The following APH1B variants were observed in gnomAD, a reference collection of about 807,000 sequenced individuals.
The protein encoded by APH1B is gamma-secretase subunit APH-1B.
APH1B carries 27 observed loss-of-function variants against 28.2 expected under a neutral mutation model. That is an observed-to-expected ratio of 0.96 (90% confidence interval 0.70 to 1.32). The LOEUF (loss-of-function observed/expected upper bound fraction) is 1.32. APH1B is among the 40% of genes most tolerant of loss of function. APH1B has a pLI of 0.00. For missense variants in APH1B, 305 were observed against 313.6 expected, an observed-to-expected ratio of 0.97 and a Z score of 0.21; for synonymous variants, 141 against 124.6, an observed-to-expected ratio of 1.13 and a Z score of -0.88.
In APH1B at chr15:63,305,649, G is replaced by T. The variant is rs143708351; in HGVS notation, c.642G>T (p.Ala214=). Residue 214 remains alanine (A), a synonymous_variant, in exon 6 of 6, where the codon GCG becomes GCT. Transcript: ENST00000261879. ...FISSYYGINL[A]SAFIILVLMG... is the part of the protein sequence containing the mutation. ...GTTCTTATTATGGAATAAACCTGGC[G>T]TCAGCATTTATAATCCTGGTGCTCA... 6.2e-7 allele frequency: 1 copy of T among 1,614,028 alleles called. No homozygotes were observed. Among genetic ancestry groups the T allele is most frequent in the Admixed American group, 1.7e-5 (1 of 60,018 alleles).
rs889944030 is a variant in APH1B at position 63,306,850 on chromosome 15, C to T, written c.*1069C>T. On this transcript the variant is annotated 3_prime_UTR_variant, in exon 6 of 6. Transcript: ENST00000261879. ...TGTAATATTGGAAATAGATCTTAAACTGCCAAATCTCACACTATTGCATAA... is the reference window on the plus strand; with the variant it reads ...TGTAATATTGGAAATAGATCTTAAATTGCCAAATCTCACACTATTGCATAA... 3 of 152,260 alleles carry T rather than the reference C, an allele frequency of 2.0e-5. No individual in the cohort carries two copies. Among genetic ancestry groups the T allele is most frequent in the African/African-American group, 7.2e-5 (3 of 41,466 alleles). 9.4% of individuals were successfully genotyped at this position (152,260 alleles called of 1,614,324 possible).
intron 2 of APH1B, among the ~76,000 whole-genome samples, chr15:63,279,913 T>G (rs2038367856): frequency 6.6e-6 from 1 of 151,700 alleles, no homozygotes; most frequent in Non-Finnish European, 1.5e-5. Context: ...TTCTCCTGCC[T>G]CAGCCTCCCG....
intron 2 of APH1B, among the ~76,000 whole-genome samples, chr15:63,284,615 C>T (rs1008561107): frequency 8.5e-5 from 13 of 152,296 alleles, no homozygotes; most frequent in Non-Finnish European, 1.3e-4. Context: ...AACATTATGA[C>T]GTCACTAGGC....
chr15:63,287,567 A>C lies in APH1B; in HGVS notation c.478+21A>C, dbSNP rs201011926. The C allele has an allele frequency of 1.2e-5, 19 of 1,611,544 alleles. No individual in the cohort carries two copies. In the African/African-American group the frequency reaches 2.3e-4, roughly 19 times the overall value. On this transcript the variant is annotated intron_variant, in intron 4 of 5. Transcript: ENST00000261879. ...TTCAGGTATGTGTCTCATAGCTGTC[A>C]ACATTCAGGCTTCTAGTCTAAATGA...
rs181127206 is a variant in APH1B at position 63,298,603 on chromosome 15, C to T, written c.479-3742C>T. On this transcript the variant is annotated intron_variant, in intron 4 of 5. Transcript: ENST00000261879. ...TGTCTCACTTTCTCACCTGATAGTA[C>T]AACTCACTGAGAACTCTGGCTTATT... Among the ~76,000 whole-genome samples, 38 of 152,304 alleles carry T rather than the reference C, an allele frequency of 2.5e-4. No homozygotes were observed. The South Asian group carries it at 3.3e-3, about 13-fold the overall frequency.
chr15:63,289,331 G>T (rs1326948643), intron 4 of APH1B, among the ~76,000 whole-genome samples: 7 of 152,040 alleles, frequency 4.6e-5, no homozygotes, highest in Non-Finnish European at 8.8e-5. Flanking sequence ...TATATTTATT[G>T]TATTTATGTT....
chr15:63,283,431 T>C (rs1017531329), intron 2 of APH1B, among the ~76,000 whole-genome samples: 2 of 152,146 alleles, frequency 1.3e-5, no homozygotes, highest in Non-Finnish European at 1.5e-5. Flanking sequence ...AGGCTCCTTA[T>C]GTTGCCCAGG....
At chr15:63,288,396 T>A (rs190401972) in intron 4 of APH1B, among the ~76,000 whole-genome samples, 72 of 152,336 alleles carry the variant, frequency 4.7e-4, no homozygotes, top group African/African-American at 1.7e-3. Flanking sequence ...TAGAGGCATG[T>A]TGAATGTCAT....
chr15:63,299,063 AG>A (rs925206731), intron 4 of APH1B, among the ~76,000 whole-genome samples: 8 of 152,194 alleles, frequency 5.3e-5, no homozygotes, highest in African/African-American at 1.9e-4. Context: ...CTATTTAAAA[AG>A]AAAAAAGAAA....
At chr15:63,280,468 C>T (rs761427666) in intron 2 of APH1B, among the ~76,000 whole-genome samples, 1 of 151,306 alleles carries the variant, frequency 6.6e-6, no homozygotes, top group Non-Finnish European at 1.5e-5. Flanking sequence ...CCAAGAGGAA[C>T]CTCAACAACA....
At chr15:63,277,793 T>A in intron 1 of APH1B, 57 bp downstream of exon 1, 1 of 1,524,610 alleles carries the variant, frequency 6.6e-7, no homozygotes, top group Non-Finnish European at 9.0e-7. Flanking sequence ...CCGCTGGGGT[T>A]ACCCGCGACC....
At chr15:63,302,308 C>A in intron 4 of APH1B, 37 bp from the exon 5 acceptor site, 1 of 1,607,636 alleles carries the variant, frequency 6.2e-7, no homozygotes, top group Non-Finnish European at 8.5e-7. Context: ...GGTTCTGATA[C>A]CTGTAGGAGT....
chr15:63,291,979 ACAGT>A (rs2038510973), intron 4 of APH1B: 1 of 152,260 alleles, frequency 6.6e-6, no homozygotes, highest in Non-Finnish European at 1.5e-5. Context: ...TCAGCAATGC[ACAGT>A]CAGCCTTTAG....
rs1242736673 is a variant in APH1B at position 63,277,803 on chromosome 15, C to T, written c.113+67C>T. ...CTCCCCCGCTGGGGTTACCCGCGAC[C>T]CTCGGCGCCCCCACCGCGCGGCTCG... On this transcript the variant is annotated intron_variant, in intron 1 of 5. Coordinates refer to ENST00000261879, the MANE Select transcript of APH1B (RefSeq NM_031301.4). 4.1e-6 allele frequency: 6 copies of T among 1,468,242 alleles called. No homozygotes were observed. The African/African-American group carries it at 4.3e-5, about 10-fold the overall frequency. The allele number at this position is 1,468,242 out of a possible 1,614,324, so 91.0% of individuals were successfully genotyped here.
chr15:63,286,814 A>T (rs1567028678), intron 3 of APH1B, among the ~76,000 whole-genome samples, 186 bp downstream of exon 3: 1 of 152,154 alleles, frequency 6.6e-6, no homozygotes, highest in East Asian at 1.9e-4. Context: ...ATTGCAAGTG[A>T]CCCTTACCTG....
At chr15:63,283,611 G>T (rs2038412934) in intron 2 of APH1B, among the ~76,000 whole-genome samples, 1 of 152,078 alleles carries the variant, frequency 6.6e-6, no homozygotes, top group Admixed American at 6.5e-5. Context: ...TTTCAAATAT[G>T]ATTTGCAAAT....
chr15:63,279,347 G>T lies in APH1B; in HGVS notation c.284+16G>T, dbSNP rs531859028. 3 of 1,573,962 alleles carry T rather than the reference G, an allele frequency of 1.9e-6. No homozygotes were observed. The Admixed American group carries it at 5.2e-5, about 27-fold the overall frequency. On this transcript the variant is annotated intron_variant, in intron 2 of 5. Transcript: ENST00000261879. ...AACTCTTAAAGTAAGTTAAATACCT[G>T]CCTTACCTTTTTTTTCCCCAGTTAG...
chr15:63,284,524 G>A (rs2038425864), intron 2 of APH1B, among the ~76,000 whole-genome samples: 1 of 152,132 alleles, frequency 6.6e-6, no homozygotes, highest in African/African-American at 2.4e-5. Flanking sequence ...AATATGTGCT[G>A]TGCTTTTATA....
At chr15:63,302,531 T>C (rs1007930485) in intron 5 of APH1B, 59 bp downstream of exon 5, 1 of 1,560,850 alleles carries the variant, frequency 6.4e-7, no homozygotes, top group South Asian at 1.2e-5. Flanking sequence ...GTATCTAAAA[T>C]GGTAAATTCT....
Sources: gnomAD v4.1 joint callset for allele counts (sites outside exome capture counted in the v4.1 genomes callset) on GRCh38, gnomAD v4.1.1 for gene constraint, MANE v1.5 for transcripts, NCBI Gene and HGNC (gene_info 2026-07-23, HGNC 2026-07-21) for gene names.